The following PIK3C3 variants were observed in gnomAD, a reference collection of about 807,000 sequenced individuals.
PIK3C3 encodes the protein PI3-kinase type 3.
A neutral mutation model predicts 126.1 loss-of-function variants in PIK3C3; 95 were observed. That is an observed-to-expected ratio of 0.75 (90% CI 0.64 to 0.89). The LOEUF (loss-of-function observed/expected upper bound fraction) is 0.89. Ranked by LOEUF, PIK3C3 falls within the 40% of genes least tolerant of loss-of-function variation. The probability of loss-of-function intolerance (pLI) is 0.00; values close to 1 mark genes in which losing one functional copy is unlikely to be tolerated. For missense variants in PIK3C3, 829 were observed against 1,063.2 expected (o/e 0.78, Z 3.06); for synonymous variants, 374 against 360.0 (o/e 1.04, Z -0.44).
intron 3 of PIK3C3, among the ~76,000 whole-genome samples, chr18:41,968,497 A>G (rs899204903): frequency 6.6e-6 from 1 of 152,176 alleles, no homozygotes; most frequent in South Asian, 2.1e-4. Flanking sequence ...CAGCTAGTCA[A>G]TGCATTTTGT....
At chr18:41,969,016 G>A (rs894438101) in intron 3 of PIK3C3, among the ~76,000 whole-genome samples, 8 of 151,106 alleles carry the variant, frequency 5.3e-5, no homozygotes, top group African/African-American at 9.8e-5. Flanking sequence ...ATGGGGTTTC[G>A]CCATGTTGCC....
At chr18:42,004,305 C>G (rs972620915) in intron 9 of PIK3C3, 51 bp from the exon 10 acceptor site, 1 of 1,440,126 alleles carries the variant, frequency 6.9e-7, no homozygotes, top group African/African-American at 1.4e-5. Context: ...GTCAACTTCT[C>G]TATCCCAGGA....
chr18:41,977,206 A>G (rs541769861), intron 4 of PIK3C3, among the ~76,000 whole-genome samples: 1 of 152,192 alleles, frequency 6.6e-6, no homozygotes, highest in Non-Finnish European at 1.5e-5. Context: ...TGAATGATAT[A>G]TGGCTTCAGT....
chr18:42,037,811 C>T lies in PIK3C3; in HGVS notation c.1959C>T (p.Leu653=), dbSNP rs1984122945. The T allele has an allele frequency of 1.2e-6, 2 of 1,610,106 alleles. No individual in the cohort carries two copies. Among genetic ancestry groups the T allele is most frequent in the East Asian group, 2.2e-5 (1 of 44,796 alleles). The change falls in exon 17 of 25, where the codon CTC becomes CTT. Residue 653 remains leucine (L), a synonymous_variant. Transcript: ENST00000262039. ...QDQLILQIIS[L]MDKLLRKENL... is the part of the protein sequence containing the mutation. ...AACTTATTCTTCAAATCATTTCACT[C>T]ATGGACAAGGTGAACATGACCTTAT...
At chr18:41,989,896 A>G (rs1233690775) in intron 5 of PIK3C3, among the ~76,000 whole-genome samples, 5 of 152,184 alleles carry the variant, frequency 3.3e-5, no homozygotes, top group African/African-American at 7.2e-5. Flanking sequence ...ATTCCGCAGT[A>G]TATTTAAAGT....
chr18:42,014,775 A>G (rs573534359), intron 11 of PIK3C3, among the ~76,000 whole-genome samples: 82 of 152,146 alleles, frequency 5.4e-4, no homozygotes, highest in Non-Finnish European at 7.8e-4. Flanking sequence ...ATTTTTCTTT[A>G]TGATTATGGT....
chr18:42,053,858 C>A (rs1454450866), intron 21 of PIK3C3, among the ~76,000 whole-genome samples: 1 of 151,638 alleles, frequency 6.6e-6, no homozygotes, highest in Non-Finnish European at 1.5e-5. Context: ...GAAAAATGTT[C>A]ACAAAAGTAA....
chr18:42,038,321 A>T (rs184040179), intron 17 of PIK3C3, among the ~76,000 whole-genome samples: 53 of 152,194 alleles, frequency 3.5e-4, no homozygotes, highest in Admixed American at 1.8e-3. Context: ...TAATCAATTT[A>T]ATTTTGATGA....
rs1986241240 is a variant in PIK3C3 at position 42,081,301 on chromosome 18, G to T, written c.*164G>T. ...CATGGTACCTGAGTTCTGCTTCCTT[G>T]GATGTCATTGCTTAAATATAGTCTT... On this transcript the variant is annotated 3_prime_UTR_variant, in exon 25 of 25. Coordinates refer to ENST00000262039, the MANE Select transcript of PIK3C3 (RefSeq NM_002647.4). 4 of 488,404 alleles carry T rather than the reference G, an allele frequency of 8.2e-6. No homozygotes were observed. The highest frequency in any genetic ancestry group is 5.0e-5 in the South Asian group (1 of 20,080). The allele number at this position is 488,404 out of a possible 1,614,324, so 30.3% of individuals were successfully genotyped here. A position where few individuals can be genotyped will look rare whatever the true frequency, so the allele number is the denominator to read the frequency against.
At chr18:42,058,442 A>G (rs893616973) in intron 22 of PIK3C3, among the ~76,000 whole-genome samples, 1 of 152,178 alleles carries the variant, frequency 6.6e-6, no homozygotes, top group Admixed American at 6.5e-5. Flanking sequence ...AGTCCTGGAG[A>G]CTTCCTTCTC....
At chr18:42,052,102 TCAGA>T (rs1483354733) in intron 21 of PIK3C3, among the ~76,000 whole-genome samples, 2 of 152,076 alleles carry the variant, frequency 1.3e-5, no homozygotes, top group Admixed American at 6.6e-5. Context: ...TGATAAACAA[TCAGA>T]CAGTGTAAAA....
At chr18:42,026,506 C>A (rs1983576986) in intron 13 of PIK3C3, 1 of 152,066 alleles carries the variant, frequency 6.6e-6, no homozygotes. Flanking sequence ...GTTGCCCAAG[C>A]TGGAGTGCAA....
chr18:41,965,434 G>A lies in PIK3C3; in HGVS notation c.401+2802G>A, dbSNP rs183936430. Among the ~76,000 whole-genome samples, 378 of 152,254 alleles carry A rather than the reference G, an allele frequency of 2.5e-3. 2 individuals carry two copies. The highest frequency in any genetic ancestry group is 8.8e-3 in the African/African-American group (365 of 41,528). ...AACTCTCAGATTGATTTTTGGTACTGTTTAGTTTGGCTTCTGGCACGTTTT... is the reference window on the plus strand; with the variant it reads ...AACTCTCAGATTGATTTTTGGTACTATTTAGTTTGGCTTCTGGCACGTTTT... On this transcript the variant is annotated intron_variant, in intron 3 of 24. Coordinates refer to ENST00000262039, the MANE Select transcript of PIK3C3 (RefSeq NM_002647.4).
At chr18:42,042,187 A>G (rs1343677723) in intron 19 of PIK3C3, among the ~76,000 whole-genome samples, 2 of 152,120 alleles carry the variant, frequency 1.3e-5, no homozygotes, top group Non-Finnish European at 2.9e-5. Flanking sequence ...TAAGTCTCTA[A>G]TGGGCTTTCC....
chr18:42,079,946 AGTGTGTGTGTGTGTGTGTGT>A (rs6146278), intron 24 of PIK3C3, among the ~76,000 whole-genome samples: 12 of 137,128 alleles, frequency 8.8e-5, no homozygotes, highest in East Asian at 2.1e-4. Flanking sequence ...CCAACTTTTG[AGTGTGTGTGTGTGTGTGTGT>A]GTGTGTGTGT....
intron 21 of PIK3C3, 140 bp downstream of exon 21, chr18:42,049,745 G>A (rs868521953): frequency 2.2e-5 from 13 of 596,780 alleles, no homozygotes; most frequent in African/African-American, 9.3e-5. Context: ...AGGCCAAGGC[G>A]GGTGGATCAC....
chr18:41,981,477 A>G (rs1981194827), intron 4 of PIK3C3, among the ~76,000 whole-genome samples: 1 of 152,218 alleles, frequency 6.6e-6, no homozygotes, highest in Admixed American at 6.5e-5. Flanking sequence ...TTTGAAAGTA[A>G]AATTGGAGAT....
chr18:42,056,679 G>A (rs559119509), intron 21 of PIK3C3, among the ~76,000 whole-genome samples: 2 of 152,164 alleles, frequency 1.3e-5, no homozygotes, highest in Admixed American at 6.5e-5. Context: ...TGAGAATAAA[G>A]TACCAAAAGA....
intron 2 of PIK3C3, among the ~76,000 whole-genome samples, chr18:41,959,525 G>A (rs1460640518): frequency 6.6e-6 from 1 of 152,038 alleles, no homozygotes; most frequent in Non-Finnish European, 1.5e-5. Flanking sequence ...ACCTTATTTT[G>A]GATAAAATAC....
Sources: allele counts gnomAD v4.1 joint callset (sites outside exome capture counted in the v4.1 genomes callset), GRCh38; gene constraint gnomAD v4.1.1; transcripts MANE v1.5; gene names NCBI Gene and HGNC (gene_info 2026-07-23, HGNC 2026-07-21).